The following ATXN1 variants were observed in gnomAD, a reference collection of about 807,000 sequenced individuals.
ATXN1 encodes the protein ataxin-1.
A neutral mutation model predicts 56.4 loss-of-function variants in ATXN1; 8 were observed. That is an observed-to-expected ratio of 0.14 (90% CI 0.08 to 0.26). ATXN1 has a LOEUF of 0.26. Ranked by LOEUF, ATXN1 falls within the 10% of genes least tolerant of loss-of-function variation. The pLI, the probability that ATXN1 is intolerant of heterozygous loss-of-function variation, is 1.00. For synonymous variants in ATXN1, 514 were observed against 494.6 expected (o/e 1.04, Z -0.52); for missense variants, 987 against 1,106.5 (o/e 0.89, Z 1.53).
chr6:16,543,652 A>AAAAG (rs535769427), intron 4 of ATXN1, among the ~76,000 whole-genome samples: 2,333 of 143,336 alleles, frequency 0.016, 30 homozygotes, highest in South Asian at 0.029. Context: ...AAAAAAAAAA[A>AAAAG]AGAGAGAGAG....
intron 6 of ATXN1, among the ~76,000 whole-genome samples, chr6:16,344,345 AT>A (rs749485204): frequency 6.6e-6 from 1 of 152,222 alleles, no homozygotes; most frequent in African/African-American, 2.4e-5. Context: ...GATGCAAAGT[AT>A]TATTCTTGGT....
In ATXN1 at chr6:16,309,429, G is replaced by C. The variant is rs560404582; in HGVS notation, c.1918-2570C>G. On this transcript the variant is annotated intron_variant, in intron 7 of 7. Transcript: ENST00000436367. The stretch of plus-strand genomic sequence containing the variant: ...GAAGAGACTCCACAGAGTGAACATA[G>C]AGACAAAAAGATGGTCAATATGGAG... Among the ~76,000 whole-genome samples the C allele has an allele frequency of 2.6e-5, 4 of 152,068 alleles. No homozygotes were observed. The East Asian group carries it at 7.7e-4, about 29-fold the overall frequency.
chr6:16,346,565 GCA>G (rs1478667937), intron 6 of ATXN1, among the ~76,000 whole-genome samples: 5 of 152,234 alleles, frequency 3.3e-5, no homozygotes, highest in African/African-American at 7.2e-5. Context: ...TGAGCAGGAA[GCA>G]CATAGTTGAT....
chr6:16,462,780 A>G (rs1450191751), intron 6 of ATXN1, among the ~76,000 whole-genome samples: 1 of 152,104 alleles, frequency 6.6e-6, no homozygotes, highest in Non-Finnish European at 1.5e-5. Context: ...CTATCCCATC[A>G]GTGTAATTAC....
At chr6:16,737,851 C>T (rs1251121539) in intron 2 of ATXN1, 2 of 148,464 alleles carry the variant, frequency 1.3e-5, no homozygotes, top group Non-Finnish European at 3.0e-5. Context: ...TGTGCATTTA[C>T]AAAACAAAAA....
At chr6:16,648,688 A>T (rs1406118337) in intron 3 of ATXN1, among the ~76,000 whole-genome samples, 1 of 152,242 alleles carries the variant, frequency 6.6e-6, no homozygotes, top group East Asian at 1.9e-4. Context: ...ACAGACAAGG[A>T]TCAACTTACA....
intron 2 of ATXN1, among the ~76,000 whole-genome samples, chr6:16,715,914 A>G (rs1394313267): frequency 4.6e-5 from 7 of 152,190 alleles, no homozygotes; most frequent in African/African-American, 1.4e-4. Flanking sequence ...AAGCATTCCC[A>G]AATTACTGGA....
chr6:16,525,095 T>G (rs1761365651), intron 4 of ATXN1, among the ~76,000 whole-genome samples: 1 of 152,150 alleles, frequency 6.6e-6, no homozygotes, highest in Admixed American at 6.5e-5. Flanking sequence ...GTACCTGTAC[T>G]GTATTCCCTT....
intron 3 of ATXN1, among the ~76,000 whole-genome samples, chr6:16,601,508 TCTGA>T (rs1363331971): frequency 6.6e-6 from 1 of 152,166 alleles, no homozygotes; most frequent in East Asian, 1.9e-4. Flanking sequence ...TATTTTCTAT[TCTGA>T]CTTTCTAACA....
At chr6:16,504,993 C>CTTTTTTTTTT (rs34197922) in intron 5 of ATXN1, among the ~76,000 whole-genome samples, 3 of 135,318 alleles carry the variant, frequency 2.2e-5, no homozygotes, top group African/African-American at 8.6e-5. Flanking sequence ...CTCCTGTTTC[C>CTTTTTTTTTT]TTTTTTTTTT....
At chr6:16,689,217 G>T (rs1429773404) in intron 2 of ATXN1, among the ~76,000 whole-genome samples, 1 of 152,192 alleles carries the variant, frequency 6.6e-6, no homozygotes, top group Non-Finnish European at 1.5e-5. Context: ...TGACTCATGA[G>T]GAAAGCAAGT....
At chr6:16,623,389 C>T (rs1447176064) in intron 3 of ATXN1, among the ~76,000 whole-genome samples, 2 of 152,178 alleles carry the variant, frequency 1.3e-5, no homozygotes, top group African/African-American at 4.8e-5. Context: ...CTGGGAACTC[C>T]AGATCTCAAA....
intron 6 of ATXN1, among the ~76,000 whole-genome samples, chr6:16,386,494 A>G (rs1364341109): frequency 1.3e-5 from 2 of 152,226 alleles, no homozygotes; most frequent in African/African-American, 4.8e-5. Flanking sequence ...ACACTTTTAC[A>G]TGAAAGAAAT....
chr6:16,415,887 G>A (rs893756828), intron 6 of ATXN1, among the ~76,000 whole-genome samples: 8 of 152,172 alleles, frequency 5.3e-5, no homozygotes, highest in Admixed American at 1.3e-4. Context: ...TCCCTCCTCC[G>A]CGCCTCTGCT....
chr6:16,631,762 A>G (rs1763508861), intron 3 of ATXN1, among the ~76,000 whole-genome samples: 1 of 152,182 alleles, frequency 6.6e-6, no homozygotes, highest in Non-Finnish European at 1.5e-5. Flanking sequence ...GCTAATCAAT[A>G]AGAGTTTTGT....
rs529232881 is a variant in ATXN1 at position 16,692,913 on chromosome 6, T to C, written c.-614-35012A>G. The stretch of plus-strand genomic sequence containing the variant: ...AGAGGTCTTTGCAGATGGGAAGATA[T>C]GGATAGATAAGCTTTCTCCTCTACT... On this transcript the variant is annotated intron_variant, in intron 2 of 7. Transcript: ENST00000436367. Among the ~76,000 whole-genome samples the C allele has an allele frequency of 2.2e-4, 34 of 152,280 alleles. No homozygotes were observed. The East Asian group carries it at 6.2e-3, about 28-fold the overall frequency.
chr6:16,426,792 T>C lies in ATXN1; in HGVS notation c.-161+59180A>G, dbSNP rs565845567. Among the ~76,000 whole-genome samples the C allele has an allele frequency of 2.8e-3, 420 of 151,064 alleles. 3 individuals are homozygous for C. Among genetic ancestry groups the C allele is most frequent in the African/African-American group, 9.6e-3 (394 of 41,126 alleles). On this transcript the variant is annotated intron_variant, in intron 6 of 7. Transcript: ENST00000436367. Reference sequence around the variant, plus strand: ...TGTTTCCCTCCCCCTCTATCCAGCATCCCCTTGCTGCTTTAACCTTTTCCC... The same window carrying C: ...TGTTTCCCTCCCCCTCTATCCAGCACCCCCTTGCTGCTTTAACCTTTTCCC...
chr6:16,431,731 A>G (rs915421695), intron 6 of ATXN1, among the ~76,000 whole-genome samples: 1 of 152,196 alleles, frequency 6.6e-6, no homozygotes, highest in African/African-American at 2.4e-5. Flanking sequence ...TTGAGTTCAA[A>G]TCCAGATCTC....
intron 2 of ATXN1, among the ~76,000 whole-genome samples, chr6:16,695,929 C>CCT (rs1561812102): frequency 6.6e-6 from 1 of 152,034 alleles, no homozygotes; most frequent in Non-Finnish European, 1.5e-5. Flanking sequence ...GCACCACTAC[C>CCT]CTCTGGCCTG....
Sources: allele counts gnomAD v4.1 joint callset (sites outside exome capture counted in the v4.1 genomes callset), GRCh38; gene constraint gnomAD v4.1.1; transcripts MANE v1.5; gene names NCBI Gene and HGNC (gene_info 2026-07-23, HGNC 2026-07-21).